Variants in SPEN observed in about 807,000 individuals in gnomAD.
The protein encoded by SPEN is spen family transcriptional repressor.
Under a neutral mutation model 269.9 loss-of-function variants are expected in SPEN, and 18 were observed. That is an observed-to-expected ratio of 0.07 (90% CI 0.05 to 0.10). The LOEUF is 0.10. SPEN is among the 10% of genes least tolerant of loss of function. The pLI is 1.00. For synonymous variants in SPEN, 1,726 were observed against 1,765.7 expected, an observed-to-expected ratio of 0.98 and a Z score of 0.56; for missense variants, 3,822 against 4,631.2, an observed-to-expected ratio of 0.83 and a Z score of 5.07.
chr1:15,888,107 A>AT (rs1400812283), intron 3 of SPEN, among the ~76,000 whole-genome samples: 5 of 150,758 alleles, frequency 3.3e-5, no homozygotes, highest in Admixed American at 6.6e-5. Flanking sequence ...ATTTTATTTT[A>AT]TTTATTTGTC....
intron 13 of SPEN, 157 bp from the exon 14 acceptor site, chr1:15,938,561 A>T: frequency 1.6e-6 from 1 of 611,276 alleles, no homozygotes; most frequent in East Asian, 3.3e-5. Flanking sequence ...AGGTTGAAAA[A>T]AAGCTTTTTT....
intron 10 of SPEN, among the ~76,000 whole-genome samples, chr1:15,924,135 G>A (rs539608125): frequency 6.6e-6 from 1 of 152,200 alleles, no homozygotes; most frequent in African/African-American, 2.4e-5. Context: ...TTTCTCAGTT[G>A]TGTGAGTGTA....
intron 1 of SPEN, among the ~76,000 whole-genome samples, chr1:15,867,025 G>A (rs572052678): frequency 2.0e-4 from 30 of 152,230 alleles, no homozygotes; most frequent in Admixed American, 1.8e-3. Flanking sequence ...CCCATTTAAA[G>A]TATACAATTC....
At position 15,876,340 on chromosome 1, in the gene SPEN, G is replaced by A. The variant is rs753958664; in HGVS notation, c.543G>A (p.Gly181=). The change falls in exon 3 of 15, where the codon GGG becomes GGA. Residue 181 remains glycine, a synonymous_variant. Transcript: ENST00000375759. The part of the protein sequence containing the change: ...RDPRERTLQH[G]LYYASRSRSP... The stretch of plus-strand genomic sequence containing the variant: ...CTCGAGAGCGGACTTTACAACATGG[G>A]CTCTATTACGCTTCTCGGAGTCGAA... The A allele has an allele frequency of 1.9e-6, 3 of 1,614,026 alleles. No individual in the cohort carries two copies. Among genetic ancestry groups the A allele is most frequent in the Non-Finnish European group, 2.5e-6 (3 of 1,179,996 alleles).
In SPEN at chr1:15,929,277, C is replaced by T. The variant is rs776153327; in HGVS notation, c.3037C>T (p.Arg1013Cys). ...KKSSPEMEDARVLSKKQPDVS... is the reference protein window; with the variant it reads ...KKSSPEMEDACVLSKKQPDVS... ...AAGCAGTCCAGAGATGGAGGATGCT[C>T]GCGTGCTTTCAAAAAAGCAGCCTGA... Residue 1013 changes from arginine to cysteine, a missense_variant, in exon 11 of 15, where the codon CGC becomes TGC. By Grantham distance (180) the Arg-to-Cys change is radical. This residue lies in a region of SPEN where 572 missense variants were observed against 582.6 expected (regional missense o/e 0.98). Transcript: ENST00000375759. The surrounding 1 kb of genome is among the most constrained non-coding windows in gnomAD (Gnocchi z 5.8). The T allele has an allele frequency of 2.8e-5, 45 of 1,613,996 alleles. No homozygotes were observed. The highest frequency in any genetic ancestry group is 3.3e-5 in the Admixed American group (2 of 60,000).
intron 3 of SPEN, among the ~76,000 whole-genome samples, chr1:15,906,453 C>CTT (rs200731520): frequency 0.016 from 1,475 of 92,516 alleles, 4 homozygotes; most frequent in East Asian, 0.023. Context: ...TCTTTCTTTC[C>CTT]TTTTTTTTTT....
intron 1 of SPEN, among the ~76,000 whole-genome samples, chr1:15,871,701 C>T (rs920658344): frequency 3.3e-5 from 5 of 152,108 alleles, no homozygotes; most frequent in African/African-American, 1.2e-4. Context: ...ATTAGACTGT[C>T]ACTTGCAAAT....
Position 15,936,189 on chromosome 1 carries a change from C to G in SPEN, c.9949C>G (p.Pro3317Ala), listed in dbSNP as rs1420909307. ...CGGCGACATCCGCACCTACCACCCC[C>G]CGGCCCAGCTCACACACACTCAGTT... Reference protein sequence around the residue: ...RYGDIRTYHPPAQLTHTQFPA... With the variant: ...RYGDIRTYHPAAQLTHTQFPA... The change falls in exon 11 of 15, where the codon CCG becomes GCG. Residue 3317 changes from proline (P) to alanine (A), a missense_variant. This residue lies in a region of SPEN where 359 missense variants were observed against 377.3 expected (regional missense o/e 0.95). Coordinates refer to ENST00000375759, the MANE Select transcript of SPEN (RefSeq NM_015001.3). 6.3e-7 allele frequency: 1 copy of G among 1,594,292 alleles called. No homozygotes were observed. Among genetic ancestry groups the G allele is most frequent in the Admixed American group, 1.7e-5 (1 of 59,100 alleles).
At position 15,914,171 on chromosome 1, in the gene SPEN, G is replaced by A. The variant is rs560783914; in HGVS notation, c.1244-1957G>A. Among the ~76,000 whole-genome samples, 6 of 152,250 alleles carry A rather than the reference G, an allele frequency of 3.9e-5. No individual in the cohort carries two copies. In the South Asian group the frequency reaches 1.2e-3, roughly 32 times the overall value. On this transcript the variant is annotated intron_variant, in intron 5 of 14. Coordinates refer to ENST00000375759, the MANE Select transcript of SPEN (RefSeq NM_015001.3). Reference sequence around the variant, plus strand: ...TTCATGTGAAAGTACATCATAGTCTGATTGATCGAAAGGGGTAACATTAGT... The same window carrying A: ...TTCATGTGAAAGTACATCATAGTCTAATTGATCGAAAGGGGTAACATTAGT...
intron 2 of SPEN, among the ~76,000 whole-genome samples, chr1:15,874,609 C>T (rs540862256): frequency 1.3e-5 from 2 of 152,242 alleles, no homozygotes; most frequent in Admixed American, 6.5e-5. Flanking sequence ...TAGCAGTAAT[C>T]GTCCTAGAAC....
rs748664639 is a variant in SPEN at position 15,876,494 on chromosome 1, C to G, written c.697C>G (p.Pro233Ala). ...TACCCGGGAGGTACGAGGCAGAAGG[C>G]CAGAGCGGAATTACCAGCACAGCAG... ...DITREVRGRR[P>A]ERNYQHSRSR... Residue 233 changes from proline to alanine, a missense_variant, in exon 3 of 15, where the codon CCA (proline) becomes GCA (alanine). Coordinates refer to ENST00000375759, the MANE Select transcript of SPEN (RefSeq NM_015001.3). The G allele has an allele frequency of 6.2e-6, 10 of 1,613,902 alleles. No homozygotes were observed. Among genetic ancestry groups the G allele is most frequent in the Non-Finnish European group, 8.5e-6 (10 of 1,180,004 alleles).
intron 3 of SPEN, among the ~76,000 whole-genome samples, chr1:15,888,171 C>T (rs2070754302): frequency 6.6e-6 from 1 of 150,722 alleles, no homozygotes. Flanking sequence ...TGCAGTGGTG[C>T]TGTCTCAGCT....
intron 6 of SPEN, among the ~76,000 whole-genome samples, chr1:15,916,610 A>C (rs1485178571): frequency 6.7e-6 from 1 of 150,210 alleles, no homozygotes; most frequent in Non-Finnish European, 1.5e-5. Context: ...TCCTGGGCTC[A>C]AGTGATCCTC....
At chr1:15,860,411 G>GTGTA (rs2070433934) in intron 1 of SPEN, among the ~76,000 whole-genome samples, 1 of 143,616 alleles carries the variant, frequency 7.0e-6, no homozygotes, top group African/African-American at 2.7e-5. Context: ...GTGTGTGTGT[G>GTGTA]TGTGTGTATG....
At chr1:15,856,250 A>G (rs2070385770) in intron 1 of SPEN, among the ~76,000 whole-genome samples, 1 of 151,914 alleles carries the variant, frequency 6.6e-6, no homozygotes, top group Non-Finnish European at 1.5e-5. Context: ...TCGGCCTCCC[A>G]AAGTGCTGGG....
At chr1:15,923,753 T>A (rs984889240) in intron 10 of SPEN, among the ~76,000 whole-genome samples, 2 of 151,754 alleles carry the variant, frequency 1.3e-5, no homozygotes, top group African/African-American at 4.8e-5. Context: ...TACTGCAACC[T>A]CTGCCTTGCT....
chr1:15,862,853 C>G (rs2070461474), intron 1 of SPEN, among the ~76,000 whole-genome samples: 1 of 151,974 alleles, frequency 6.6e-6, no homozygotes, highest in South Asian at 2.1e-4. Flanking sequence ...GCTCCGCCTC[C>G]CAGGTTCACG....
intron 3 of SPEN, among the ~76,000 whole-genome samples, chr1:15,885,882 T>A (rs1027565055): frequency 1.3e-5 from 2 of 152,200 alleles, no homozygotes; most frequent in Non-Finnish European, 1.5e-5. Flanking sequence ...CACATTATTT[T>A]TTTTGGCTCC....
At chr1:15,904,723 G>C (rs2070938850) in intron 3 of SPEN, among the ~76,000 whole-genome samples, 1 of 151,168 alleles carries the variant, frequency 6.6e-6, no homozygotes, top group Non-Finnish European at 1.5e-5. Context: ...AAAGTGCTGG[G>C]ATTACAGGCA....
Sources: allele counts gnomAD v4.1 joint callset (sites outside exome capture counted in the v4.1 genomes callset), GRCh38; gene constraint gnomAD v4.1.1; regional missense constraint gnomAD v4.1.1; non-coding constraint Gnocchi (gnomAD v3.1); transcripts MANE v1.5; gene names NCBI Gene and HGNC (gene_info 2026-07-23, HGNC 2026-07-21).